The following FBXO31 variants were observed in gnomAD, a reference collection of about 807,000 sequenced individuals.
FBXO31 encodes the protein F-box protein 31, also known as F-box only protein 31.
In FBXO31, 24 loss-of-function variants were observed where a neutral mutation model predicts 54.4. The ratio of observed to expected loss-of-function variants is 0.44; its 90% CI spans 0.32 to 0.62. FBXO31 has a LOEUF of 0.62. Ranked by LOEUF, FBXO31 falls within the 20% of genes least tolerant of loss-of-function variation. The pLI is 0.05. For missense variants in FBXO31, 665 were observed against 787.1 expected (o/e 0.84, Z 1.86); for synonymous variants, 388 against 335.6 (o/e 1.16, Z -1.71).
In FBXO31 at chr16:87,336,709, C is replaced by A. The variant is rs978146083; in HGVS notation, c.733-445G>T. On this transcript the variant is annotated intron_variant, in intron 5 of 8. Transcript: ENST00000311635. This position sits in a 1 kb window ranked among gnomAD's most constrained non-coding sequence, Gnocchi z 6.5. The stretch of plus-strand genomic sequence containing the variant: ...TGTTCCAGAAGCCCTCACCACCAAC[C>A]CTGAGCCGTGCGAGTCAGCCAAGGA... Among the ~76,000 whole-genome samples, 1 of 152,184 alleles carries A rather than the reference C, an allele frequency of 6.6e-6. No individual in the cohort carries two copies.
rs918805282 is a variant in FBXO31 at position 87,338,394 on chromosome 16, A to G, written c.733-2130T>C. On this transcript the variant is annotated intron_variant, in intron 5 of 8. Coordinates refer to ENST00000311635, the MANE Select transcript of FBXO31 (RefSeq NM_024735.5). The surrounding 1 kb of genome is among the most constrained non-coding windows in gnomAD (Gnocchi z 4.3). Reference sequence around the variant, plus strand: ...AGGATGCCTGCTGGCTGCTTGAAACAGGAGCATGGCCCATCCTCCCTTCTC... The same window carrying G: ...AGGATGCCTGCTGGCTGCTTGAAACGGGAGCATGGCCCATCCTCCCTTCTC... 2.1e-5 allele frequency among the ~76,000 whole-genome samples: 3 copies of G among 145,610 alleles called. No homozygotes were observed. Among genetic ancestry groups the G allele is most frequent in the African/African-American group, 7.7e-5 (3 of 39,020 alleles).
Position 87,351,227 on chromosome 16 carries a change from C to G in FBXO31, c.413-3977G>C, listed in dbSNP as rs1041577324. ...AAACGGATTCATTCAAGAGATGAAT[C>G]CATGGATTTCAATAGGAATTAAGCT... On this transcript the variant is annotated intron_variant, in intron 2 of 8. Coordinates refer to ENST00000311635, the MANE Select transcript of FBXO31 (RefSeq NM_024735.5). 3.3e-5 allele frequency among the ~76,000 whole-genome samples: 5 copies of G among 152,166 alleles called. No homozygotes were observed. In the South Asian group the frequency reaches 1.0e-3, roughly 32 times the overall value.
In FBXO31 at chr16:87,383,384, C is replaced by A. The variant is rs776909621; in HGVS notation, c.340+21G>T. On this transcript the variant is annotated intron_variant, in intron 1 of 8. Transcript: ENST00000311635. This position sits in a 1 kb window ranked among gnomAD's most constrained non-coding sequence, Gnocchi z 4.9. ...CAGGGACCCCCCGCCCCTCCCGGCC[C>A]CGCCACCCCCGCGCGCTCACCCTCA... 33 of 1,519,994 alleles carry A rather than the reference C, an allele frequency of 2.2e-5. No homozygotes were observed. Among genetic ancestry groups the A allele is most frequent in the Non-Finnish European group, 2.6e-5 (30 of 1,132,502 alleles). The allele number at this position is 1,519,994 out of a possible 1,614,324, so 94.2% of individuals were successfully genotyped here. A position where few individuals can be genotyped will look rare whatever the true frequency, so the allele number is the denominator to read the frequency against.
chr16:87,366,775 G>A (rs934801652), intron 1 of FBXO31, among the ~76,000 whole-genome samples: 13 of 152,334 alleles, frequency 8.5e-5, no homozygotes, highest in African/African-American at 2.4e-5. Context: ...CAGACGGGCC[G>A]GCTGCTGGGA....
At chr16:87,360,003 G>C (rs1329715232) in intron 2 of FBXO31, among the ~76,000 whole-genome samples, 4 of 152,202 alleles carry the variant, frequency 2.6e-5, no homozygotes, top group Admixed American at 2.6e-4. Flanking sequence ...GAAACAGGCA[G>C]CCTCCAGGAA....
At chr16:87,378,827 T>G (rs1486963939) in intron 1 of FBXO31, among the ~76,000 whole-genome samples, 1 of 151,762 alleles carries the variant, frequency 6.6e-6, no homozygotes, top group Admixed American at 6.6e-5. Flanking sequence ...CAGGGCACGG[T>G]GGCGGGCGCC....
chr16:87,337,449 A>G (rs1358592140), intron 5 of FBXO31, among the ~76,000 whole-genome samples: 1 of 152,202 alleles, frequency 6.6e-6, no homozygotes, highest in Non-Finnish European at 1.5e-5. Context: ...TGAAATTCCT[A>G]CGGAAAAGCA....
chr16:87,369,225 A>T (rs1327221473), intron 1 of FBXO31, among the ~76,000 whole-genome samples: 2 of 151,902 alleles, frequency 1.3e-5, no homozygotes, highest in African/African-American at 4.8e-5. Context: ...CCCACTGTTG[A>T]CTGTACGGCT....
At chr16:87,357,841 C>T (rs1905963129) in intron 2 of FBXO31, among the ~76,000 whole-genome samples, 1 of 151,402 alleles carries the variant, frequency 6.6e-6, no homozygotes, top group East Asian at 1.9e-4. Context: ...GCTGAGGTGG[C>T]AGTATTACTT....
chr16:87,335,212 G>A lies in FBXO31; in HGVS notation c.996+92C>T, dbSNP rs1021236627. On this transcript the variant is annotated intron_variant, in intron 7 of 8. Coordinates refer to ENST00000311635, the MANE Select transcript of FBXO31 (RefSeq NM_024735.5). The surrounding 1 kb of genome is among the most constrained non-coding windows in gnomAD (Gnocchi z 5.7). ...GCCCACTCTGAGGAGCAAGGGTGCC[G>A]GGGATCAGTGTCTGCCCAAGTTCCC... The A allele has an allele frequency of 3.7e-5, 57 of 1,561,054 alleles. No homozygotes were observed. The highest frequency in any genetic ancestry group is 9.0e-5 in the East Asian group (4 of 44,590).
chr16:87,332,620 C>G (rs1021339516), intron 8 of FBXO31, among the ~76,000 whole-genome samples: 1 of 152,022 alleles, frequency 6.6e-6, no homozygotes, highest in Non-Finnish European at 1.5e-5. Context: ...AAGCCCCGCC[C>G]AGACATCCAA....
chr16:87,349,417 A>G (rs1245226125), intron 2 of FBXO31, among the ~76,000 whole-genome samples: 2 of 152,188 alleles, frequency 1.3e-5, no homozygotes. Flanking sequence ...GGGCCTGCAG[A>G]TTAAAATTTC....
intron 3 of FBXO31, 81 bp downstream of exon 3, chr16:87,347,093 T>A (rs908738810): frequency 1.4e-5 from 18 of 1,251,406 alleles, no homozygotes; most frequent in Non-Finnish European, 2.0e-5. Flanking sequence ...TGTACCCAGG[T>A]AGAAGAGGCC....
Position 87,329,162 on chromosome 16 carries a change from T to C in FBXO31, c.*2126A>G, listed in dbSNP as rs1904752411. The C allele has an allele frequency of 6.6e-6, 1 of 152,536 alleles. No homozygotes were observed. Among genetic ancestry groups the C allele is most frequent in the Admixed American group, 6.5e-5 (1 of 15,286 alleles). 9.4% of individuals were successfully genotyped at this position (152,536 alleles called of 1,614,324 possible). A position where few individuals can be genotyped will look rare whatever the true frequency, so the allele number is the denominator to read the frequency against. On this transcript the variant is annotated 3_prime_UTR_variant, in exon 9 of 9. Transcript: ENST00000311635. ...GGCTGTGCGGCCAAAAAGGCCTCCC[T>C]TTCCTGGCTGTGTGGCTCTGGCCCT...
At chr16:87,370,673 C>T (rs1567485483) in intron 1 of FBXO31, among the ~76,000 whole-genome samples, 2 of 152,130 alleles carry the variant, frequency 1.3e-5, no homozygotes, top group African/African-American at 4.8e-5. Context: ...GCAGCCACTG[C>T]GGCCCCTGGG....
rs942842457 is a variant in FBXO31 at position 87,338,787 on chromosome 16, C to A, written c.733-2523G>T. On this transcript the variant is annotated intron_variant, in intron 5 of 8. Transcript: ENST00000311635. This position sits in a 1 kb window ranked among gnomAD's most constrained non-coding sequence, Gnocchi z 4.3. ...CTCCCTGGGCAGACAGGACTCCACT[C>A]CCTTGGAACCTGCTTGATGTGGTTT... Among the ~76,000 whole-genome samples the A allele has an allele frequency of 2.6e-5, 4 of 152,134 alleles. No individual in the cohort carries two copies. The East Asian group carries it at 7.7e-4, about 29-fold the overall frequency.
intron 2 of FBXO31, among the ~76,000 whole-genome samples, chr16:87,351,406 T>C (rs1489505788): frequency 6.6e-6 from 1 of 151,588 alleles, no homozygotes; most frequent in Non-Finnish European, 1.5e-5. Context: ...TGGGCTCTGG[T>C]GGCGGGGGAA....
At chr16:87,365,098 T>G (rs1906311713) in intron 1 of FBXO31, among the ~76,000 whole-genome samples, 1 of 138,018 alleles carries the variant, frequency 7.2e-6, no homozygotes, top group African/African-American at 2.7e-5. Flanking sequence ...GTCTTTGCAG[T>G]GATGACAGAA....
At chr16:87,361,585 G>C (rs776146249) in intron 1 of FBXO31, among the ~76,000 whole-genome samples, 7 of 152,218 alleles carry the variant, frequency 4.6e-5, no homozygotes, top group African/African-American at 7.2e-5. Flanking sequence ...TCACAATACA[G>C]GAACGTCGAT....
Sources: gnomAD v4.1 joint callset for allele counts (sites outside exome capture counted in the v4.1 genomes callset) on GRCh38, gnomAD v4.1.1 for gene constraint, Gnocchi (gnomAD v3.1) non-coding constraint, MANE v1.5 for transcripts, NCBI Gene and HGNC (gene_info 2026-07-23, HGNC 2026-07-21) for gene names.